HIP1: variants seen among roughly 807,000 people sequenced by gnomAD.
HIP1 encodes the protein huntingtin-interacting protein 1.
In HIP1, 65 loss-of-function variants were observed where a neutral mutation model predicts 147.6. That is an observed-to-expected ratio of 0.44 (90% CI 0.36 to 0.54). The LOEUF (loss-of-function observed/expected upper bound fraction) is 0.54, where lower values mean the gene tolerates loss of function less well. HIP1 is among the 20% of genes least tolerant of loss of function. The probability of loss-of-function intolerance (pLI) is 0.00; values close to 1 mark genes in which losing one functional copy is unlikely to be tolerated. For synonymous variants in HIP1, 479 were observed against 504.0 expected, an observed-to-expected ratio of 0.95 and a Z score of 0.67; for missense variants, 1,061 against 1,299.6, an observed-to-expected ratio of 0.82 and a Z score of 2.82.
chr7:75,664,185 CAT>C (rs1195310217), intron 1 of HIP1, among the ~76,000 whole-genome samples: 1 of 98,364 alleles, frequency 1.0e-5, no homozygotes, highest in Non-Finnish European at 2.1e-5. Context: ...TATGTACATA[CAT>C]ATATACACAC....
In HIP1 at chr7:75,640,752, C is replaced by CAATAATAAT. The variant is rs139850457; in HGVS notation, c.121-41514_121-41506dup. On this transcript the variant is annotated intron_variant, in intron 1 of 30. Transcript: ENST00000336926. ...TGGATGACAGAAGGAGACTCCATCT[C>CAATAATAAT]AATAATAATAATAATAATAATAATA... 2.1e-3 allele frequency among the ~76,000 whole-genome samples: 182 copies of CAATAATAAT among 85,016 alleles called. 1 individual carries two copies. The highest frequency in any genetic ancestry group is 3.4e-3 in the South Asian group (10 of 2,944). 55.8% of individuals were successfully genotyped at this position (85,016 alleles called of 152,430 possible). A position where few individuals can be genotyped will look rare whatever the true frequency, so the allele number is the denominator to read the frequency against.
At position 75,539,539 on chromosome 7, in the gene HIP1, T is replaced by C. The variant is rs1449654340; in HGVS notation, c.2953-108A>G. Reference sequence around the variant, plus strand: ...CTTGTTCTGCTGCCCAGGCTGGTAGTGAACTCCTGGCCTCAAGAGATCCTC... The same window carrying C: ...CTTGTTCTGCTGCCCAGGCTGGTAGCGAACTCCTGGCCTCAAGAGATCCTC... On this transcript the variant is annotated intron_variant, in intron 29 of 30. Coordinates refer to ENST00000336926, the MANE Select transcript of HIP1 (RefSeq NM_005338.7). The C allele has an allele frequency of 3.5e-6, 3 of 851,152 alleles. No individual in the cohort carries two copies. In the African/African-American group the frequency reaches 5.1e-5, roughly 15 times the overall value. The allele number at this position is 851,152 out of a possible 1,614,324, so 52.7% of individuals were successfully genotyped here.
At chr7:75,646,143 A>G (rs1554511085) in intron 1 of HIP1, among the ~76,000 whole-genome samples, 2 of 151,976 alleles carry the variant, frequency 1.3e-5, no homozygotes, top group African/African-American at 4.8e-5. Context: ...GCAGTGGTGC[A>G]ATCTCAGCTC....
chr7:75,583,077 C>A (rs1796117805), intron 5 of HIP1, among the ~76,000 whole-genome samples: 1 of 152,154 alleles, frequency 6.6e-6, no homozygotes, highest in African/African-American at 2.4e-5. Flanking sequence ...CAGGCCTCTG[C>A]CCTTTCAGTC....
At chr7:75,567,924 T>C (rs1795469721) in intron 9 of HIP1, among the ~76,000 whole-genome samples, 1 of 151,236 alleles carries the variant, frequency 6.6e-6, no homozygotes, top group African/African-American at 2.5e-5. Context: ...TCCTCCTGCC[T>C]CAGCCTCTCA....
At chr7:75,671,046 T>C (rs1209313882) in intron 1 of HIP1, among the ~76,000 whole-genome samples, 1 of 152,144 alleles carries the variant, frequency 6.6e-6, no homozygotes, top group Non-Finnish European at 1.5e-5. Context: ...CATAATGTCC[T>C]CAAGGTTCAC....
At chr7:75,688,804 G>A (rs1800352268) in intron 1 of HIP1, among the ~76,000 whole-genome samples, 1 of 152,172 alleles carries the variant, frequency 6.6e-6, no homozygotes. Flanking sequence ...GTGGCCCCGT[G>A]GCCCCGGCGT....
chr7:75,692,281 C>T (rs1382956584), intron 1 of HIP1, among the ~76,000 whole-genome samples: 1 of 151,634 alleles, frequency 6.6e-6, no homozygotes, highest in East Asian at 1.9e-4. Flanking sequence ...TTTTTTAAGG[C>T]AGGGTCTTGC....
rs1394271833 is a variant in HIP1, at chr7:75,664,013, TATAC to T, written c.121-64770_121-64767del. The stretch of plus-strand genomic sequence containing the variant: ...ATATATACACATATATGTGTATATA[TATAC>T]ACATATATGTGTATATATATACACA... On this transcript the variant is annotated intron_variant, in intron 1 of 30. Coordinates refer to ENST00000336926, the MANE Select transcript of HIP1 (RefSeq NM_005338.7). Among the ~76,000 whole-genome samples, 2 of 24,484 alleles carry T rather than the reference TATAC, an allele frequency of 8.2e-5. 1 individual carries two copies. The highest frequency in any genetic ancestry group is 9.1e-4 in the African/African-American group (2 of 2,200). The allele number at this position is 24,484 out of a possible 152,430, so 16.1% of individuals were successfully genotyped here.
At chr7:75,706,551 T>C (rs1284152864) in intron 1 of HIP1, among the ~76,000 whole-genome samples, 1 of 149,562 alleles carries the variant, frequency 6.7e-6, no homozygotes, top group African/African-American at 2.5e-5. Flanking sequence ...CTAGGGTACA[T>C]GTGCACAACG....
chr7:75,724,087 G>A (rs542792470), intron 1 of HIP1, among the ~76,000 whole-genome samples: 1 of 151,952 alleles, frequency 6.6e-6, no homozygotes, highest in South Asian at 2.1e-4. Flanking sequence ...CTCCTGAGTA[G>A]TTGGGATTAC....
At chr7:75,589,727 T>TG (rs377759848) in intron 4 of HIP1, among the ~76,000 whole-genome samples, 7 of 128,978 alleles carry the variant, frequency 5.4e-5, no homozygotes, top group South Asian at 2.5e-4. Flanking sequence ...ACTTTTTTTT[T>TG]GGGTTTTTTT....
chr7:75,680,640 C>T (rs528381735), intron 1 of HIP1, among the ~76,000 whole-genome samples: 37 of 151,960 alleles, frequency 2.4e-4, no homozygotes, highest in Non-Finnish European at 4.1e-4. Context: ...GACAGAATCT[C>T]ACTCTGTTAC....
Position 75,539,317 on chromosome 7 carries a change from G to A in HIP1, c.3061+6C>T. 1 of 1,609,676 alleles carries A rather than the reference G, an allele frequency of 6.2e-7. No homozygotes were observed. The highest frequency in any genetic ancestry group is 8.5e-7 in the Non-Finnish European group (1 of 1,175,958). The stretch of plus-strand genomic sequence containing the variant: ...GGGTTAGTGCCCATCCTTGGAGTCA[G>A]CTTACCTTCTTCCCAGCCCTCAGCA... On this transcript the variant is annotated splice_donor_region_variant and intron_variant, in intron 30 of 30. Coordinates refer to ENST00000336926, the MANE Select transcript of HIP1 (RefSeq NM_005338.7).
rs1563230082 is a variant in HIP1 at position 75,595,227 on chromosome 7, T to TTCCTTCCTTCCTTC, written c.185-2714_185-2713insGAAGGAAGGAAGGA. Among the ~76,000 whole-genome samples, 4 of 102,374 alleles carry TTCCTTCCTTCCTTC rather than the reference T, an allele frequency of 3.9e-5. No homozygotes were observed. The East Asian group carries it at 8.1e-4, about 21-fold the overall frequency. 67.2% of individuals were successfully genotyped at this position (102,374 alleles called of 152,430 possible). A position where few individuals can be genotyped will look rare whatever the true frequency, so the allele number is the denominator to read the frequency against. ...TTCTTTCTTTCTTTCTTTCTTTCTTTCTTTCTTTCTTTCTTTCTTTCTTTC... is the reference window on the plus strand; with the variant it reads ...TTCTTTCTTTCTTTCTTTCTTTCTTTTCCTTCCTTCCTTCCTTTCTTTCTTTCTTTCTTTCTTTC... On this transcript the variant is annotated intron_variant, in intron 2 of 30. Transcript: ENST00000336926.
At chr7:75,604,433 G>C (rs1797138658) in intron 1 of HIP1, among the ~76,000 whole-genome samples, 1 of 152,126 alleles carries the variant, frequency 6.6e-6, no homozygotes, top group African/African-American at 2.4e-5. Flanking sequence ...CAGTACCTTA[G>C]GAGACTCAGG....
intron 1 of HIP1, among the ~76,000 whole-genome samples, chr7:75,604,630 C>T (rs920410535): frequency 6.8e-6 from 1 of 147,350 alleles, no homozygotes; most frequent in Non-Finnish European, 1.5e-5. Context: ...GATTGCATCA[C>T]TATGCTCGTC....
At chr7:75,593,676 C>A (rs1414623862) in intron 2 of HIP1, among the ~76,000 whole-genome samples, 1 of 150,246 alleles carries the variant, frequency 6.7e-6, no homozygotes, top group East Asian at 2.0e-4. Context: ...TGCTCCTCAT[C>A]AAGGACCTTG....
Position 75,555,480 on chromosome 7 carries a change from C to A in HIP1, c.1899G>T (p.Gln633His). Residue 633 changes from glutamine (Q) to histidine (H), a missense_variant, in exon 19 of 31, where the codon CAG becomes CAT. Physicochemically the swap from Gln to His is conservative, Grantham distance 24. Coordinates refer to ENST00000336926, the MANE Select transcript of HIP1 (RefSeq NM_005338.7). ...GCTGGTTCAGGGCGTCTTGTATCAC[C>A]TGCTCCGCAGCCTTCCTGGACCCCA... ...LLVGSRKAAEQVIQDALNQLE... is the reference protein window; with the variant it reads ...LLVGSRKAAEHVIQDALNQLE... 6.2e-7 allele frequency: 1 copy of A among 1,614,232 alleles called. No homozygotes were observed. Among genetic ancestry groups the A allele is most frequent in the Non-Finnish European group, 8.5e-7 (1 of 1,180,048 alleles).
Sources: allele counts gnomAD v4.1 joint callset (sites outside exome capture counted in the v4.1 genomes callset), GRCh38; gene constraint gnomAD v4.1.1; transcripts MANE v1.5; gene names NCBI Gene and HGNC (gene_info 2026-07-23, HGNC 2026-07-21).